CSMD1: variants seen among roughly 807,000 people sequenced by gnomAD.
The protein encoded by CSMD1 is CUB and sushi domain-containing protein 1.
CSMD1 carries 213 observed loss-of-function variants against 417.5 expected under a neutral mutation model. That is an observed-to-expected ratio of 0.51 (90% confidence interval 0.46 to 0.57). The LOEUF (loss-of-function observed/expected upper bound fraction) is 0.57, where lower values mean the gene tolerates loss of function less well. Among genes scored for constraint, CSMD1 ranks in the 20% least tolerant of loss-of-function variants. The probability of loss-of-function intolerance (pLI) is 0.00; values close to 1 mark genes in which losing one functional copy is unlikely to be tolerated. For missense variants in CSMD1, 6,923 were observed against 4,529.7 expected (o/e 1.53, Z -15.17); for synonymous variants, 2,862 against 1,736.8 (o/e 1.65, Z -16.11).
At chr8:2,978,851 A>G in intron 54 of CSMD1, 51 bp from the exon 55 acceptor site, 1 of 1,459,108 alleles carries the variant, frequency 6.9e-7, no homozygotes, top group East Asian at 2.3e-5. Context: ...AGAAATAACA[A>G]CAAAATAGAT....
intron 25 of CSMD1, among the ~76,000 whole-genome samples, chr8:3,301,182 C>G (rs889119099): frequency 6.6e-6 from 1 of 151,276 alleles, no homozygotes; most frequent in African/African-American, 2.4e-5. Context: ...TAGACATAAA[C>G]ATAAATTTTT....
At chr8:3,323,131 C>A (rs769574220) in intron 23 of CSMD1, among the ~76,000 whole-genome samples, 1 of 152,134 alleles carries the variant, frequency 6.6e-6, no homozygotes, top group Non-Finnish European at 1.5e-5. Context: ...TTTTGTCTAA[C>A]ATTGTCTTAT....
chr8:3,837,033 G>C (rs1802755180), intron 5 of CSMD1, among the ~76,000 whole-genome samples: 1 of 151,722 alleles, frequency 6.6e-6, no homozygotes, highest in Non-Finnish European at 1.5e-5. Context: ...TTGGTGGCCA[G>C]GCTGGGTCAA....
chr8:4,406,703 A>C (rs11991325), intron 3 of CSMD1, among the ~76,000 whole-genome samples: 59 of 152,230 alleles, frequency 3.9e-4, no homozygotes, highest in African/African-American at 1.0e-3. Context: ...AAAACTTTCA[A>C]CAAGCTTGTG....
At chr8:3,464,892 C>A (rs746746563) in intron 12 of CSMD1, among the ~76,000 whole-genome samples, 11 of 152,152 alleles carry the variant, frequency 7.2e-5, no homozygotes, top group Non-Finnish European at 1.5e-4. Flanking sequence ...TGATCTCCCT[C>A]AAGAGCTCTC....
chr8:3,835,996 T>G (rs1050738351), intron 5 of CSMD1, among the ~76,000 whole-genome samples: 1 of 152,136 alleles, frequency 6.6e-6, no homozygotes, highest in African/African-American at 2.4e-5. Context: ...TCTATAAGAT[T>G]CTATCATTTC....
intron 18 of CSMD1, among the ~76,000 whole-genome samples, chr8:3,378,701 C>A (rs1810462507): frequency 6.6e-6 from 1 of 152,164 alleles, no homozygotes; most frequent in Non-Finnish European, 1.5e-5. Flanking sequence ...TTCAACACCC[C>A]TTCATGCTAA....
intron 2 of CSMD1, among the ~76,000 whole-genome samples, chr8:4,584,778 C>T (rs1799617565): frequency 6.6e-6 from 1 of 152,140 alleles, no homozygotes; most frequent in Non-Finnish European, 1.5e-5. Context: ...CACCTCTCCT[C>T]TCTGAGGTTA....
At chr8:3,253,890 G>A (rs932819220) in intron 26 of CSMD1, among the ~76,000 whole-genome samples, 1 of 152,124 alleles carries the variant, frequency 6.6e-6, no homozygotes, top group Non-Finnish European at 1.5e-5. Flanking sequence ...GGTTTATATT[G>A]TTATGTGTGA....
At chr8:3,746,172 T>C (rs1563334777) in intron 6 of CSMD1, among the ~76,000 whole-genome samples, 1 of 152,234 alleles carries the variant, frequency 6.6e-6, no homozygotes. Context: ...TCAGGGCTGA[T>C]ACGCTGAAAA....
intron 12 of CSMD1, among the ~76,000 whole-genome samples, chr8:3,415,893 A>ATT (rs1186929767): frequency 6.6e-6 from 1 of 152,306 alleles, no homozygotes; most frequent in East Asian, 1.9e-4. Context: ...AATAAGTGAG[A>ATT]TTTTTTAAAT....
chr8:3,241,149 A>T (rs1799482654), intron 26 of CSMD1, among the ~76,000 whole-genome samples: 2 of 151,742 alleles, frequency 1.3e-5, no homozygotes, highest in Non-Finnish European at 2.9e-5. Flanking sequence ...GTCCAGGAAT[A>T]GTTAGGGAAG....
At chr8:3,475,636 G>C (rs1262176648) in intron 11 of CSMD1, among the ~76,000 whole-genome samples, 1 of 152,164 alleles carries the variant, frequency 6.6e-6, no homozygotes, top group East Asian at 1.9e-4. Context: ...AAAATTCTGT[G>C]ATCTTTTGCA....
At chr8:4,243,743 A>T (rs1213289605) in intron 3 of CSMD1, among the ~76,000 whole-genome samples, 1 of 152,176 alleles carries the variant, frequency 6.6e-6, no homozygotes, top group African/African-American at 2.4e-5. Flanking sequence ...AAGAACACTC[A>T]TTTTGCCGTG....
chr8:3,776,348 C>T (rs961707561), intron 5 of CSMD1, among the ~76,000 whole-genome samples: 1 of 152,174 alleles, frequency 6.6e-6, no homozygotes, highest in Non-Finnish European at 1.5e-5. Context: ...CGACACTCTC[C>T]AGGGGTCACC....
intron 7 of CSMD1, among the ~76,000 whole-genome samples, chr8:3,676,602 C>T (rs1799386598): frequency 6.6e-6 from 1 of 152,094 alleles, no homozygotes; most frequent in Admixed American, 6.6e-5. Context: ...GAAACTTTTC[C>T]TAAGAAGGTT....
intron 4 of CSMD1, among the ~76,000 whole-genome samples, chr8:4,004,562 G>A (rs1041838138): frequency 3.3e-5 from 5 of 151,646 alleles, no homozygotes; most frequent in Admixed American, 1.3e-4. Flanking sequence ...ACCTAATTTG[G>A]TATTATAAAC....
intron 12 of CSMD1, among the ~76,000 whole-genome samples, chr8:3,455,209 T>C (rs1816026344): frequency 6.6e-6 from 1 of 152,174 alleles, no homozygotes; most frequent in Admixed American, 6.5e-5. Context: ...AGTTAGCCAG[T>C]CGTCTAATTT....
intron 3 of CSMD1, among the ~76,000 whole-genome samples, chr8:4,037,383 C>T (rs1239337678): frequency 2.0e-5 from 3 of 152,190 alleles, no homozygotes; most frequent in Non-Finnish European, 4.4e-5. Context: ...GCCATCAGCT[C>T]CACGCAACAG....
Sources: allele counts gnomAD v4.1 joint callset (sites outside exome capture counted in the v4.1 genomes callset), GRCh38; gene constraint gnomAD v4.1.1; transcripts MANE v1.5; gene names NCBI Gene and HGNC (gene_info 2026-07-23, HGNC 2026-07-21).